Variants in SHISA6 observed in about 807,000 individuals in gnomAD.
SHISA6 encodes the protein protein shisa-6.
Under a neutral mutation model 47.9 loss-of-function variants are expected in SHISA6, and 22 were observed. The ratio of observed to expected loss-of-function variants is 0.46; its 90% CI spans 0.33 to 0.66. SHISA6 has a LOEUF of 0.66. Ranked by LOEUF, SHISA6 falls within the 30% of genes least tolerant of loss-of-function variation. The pLI is 0.02. For synonymous variants in SHISA6, 388 were observed against 337.8 expected (o/e 1.15, Z -1.63); for missense variants, 680 against 764.6 (o/e 0.89, Z 1.30).
chr17:11,532,528 T>C (rs1567631549), intron 3 of SHISA6, among the ~76,000 whole-genome samples: 1 of 152,198 alleles, frequency 6.6e-6, no homozygotes, highest in East Asian at 1.9e-4. Flanking sequence ...TAAATGCCTT[T>C]CCCCCAGATT....
At chr17:11,250,646 C>G (rs1470120061) in intron 1 of SHISA6, among the ~76,000 whole-genome samples, 1 of 152,182 alleles carries the variant, frequency 6.6e-6, no homozygotes, top group Admixed American at 6.5e-5. Context: ...TGTACTGCCC[C>G]CATGCATAGG....
intron 2 of SHISA6, among the ~76,000 whole-genome samples, chr17:11,297,902 G>T (rs1445314858): frequency 6.6e-6 from 1 of 152,204 alleles, no homozygotes; most frequent in Non-Finnish European, 1.5e-5. Context: ...GAGCTGGAGG[G>T]TTTGTTTATC....
At chr17:11,362,988 C>T (rs540084049) in intron 2 of SHISA6, among the ~76,000 whole-genome samples, 4 of 152,294 alleles carry the variant, frequency 2.6e-5, no homozygotes, top group East Asian at 1.9e-4. Flanking sequence ...TCTTCAGGCC[C>T]ACTGCTGAAA....
chr17:11,558,502 A>T lies in SHISA6; in HGVS notation c.*198A>T. The T allele has an allele frequency of 3.2e-6, 2 of 616,138 alleles. No homozygotes were observed. The highest frequency in any genetic ancestry group is 5.5e-5 in the East Asian group (2 of 36,152). The allele number at this position is 616,138 out of a possible 1,614,324, so 38.2% of individuals were successfully genotyped here. A position where few individuals can be genotyped will look rare whatever the true frequency, so the allele number is the denominator to read the frequency against. ...GGCCTGGTCCAATACACTTAGACCC[A>T]GGACCAAGAGCAATCGCTCTTGCTC... On this transcript the variant is annotated 3_prime_UTR_variant, in exon 6 of 6. Transcript: ENST00000441885.
At chr17:11,378,962 T>C (rs1237640984) in intron 2 of SHISA6, among the ~76,000 whole-genome samples, 5 of 151,928 alleles carry the variant, frequency 3.3e-5, no homozygotes, top group South Asian at 2.1e-4. Context: ...GTGGGACAAA[T>C]AGACTAAGGT....
At position 11,558,355 on chromosome 17, in the gene SHISA6, C is replaced by T. The variant is rs117190784; in HGVS notation, c.*51C>T. 0.03 allele frequency: 45,306 copies of T among 1,498,716 alleles called. 782 individuals carry two copies. The highest frequency in any genetic ancestry group is 0.035 in the Non-Finnish European group (39,605 of 1,121,894). The allele number at this position is 1,498,716 out of a possible 1,614,324, so 92.8% of individuals were successfully genotyped here. On this transcript the variant is annotated 3_prime_UTR_variant, in exon 6 of 6. Coordinates refer to ENST00000441885, the MANE Select transcript of SHISA6 (RefSeq NM_207386.4). The stretch of plus-strand genomic sequence containing the variant: ...GGGCGTGGCAGAGCAGAGCGGGGGC[C>T]GGGAGGGGCCAGGAGCAGAGCTTCT...
intron 2 of SHISA6, among the ~76,000 whole-genome samples, chr17:11,355,037 T>C (rs1462903090): frequency 6.6e-6 from 1 of 152,218 alleles, no homozygotes; most frequent in Non-Finnish European, 1.5e-5. Context: ...TCCCAATAAA[T>C]GCAGGTAATT....
chr17:11,243,296 A>C (rs561974177), intron 1 of SHISA6, among the ~76,000 whole-genome samples: 1 of 151,368 alleles, frequency 6.6e-6, no homozygotes, highest in East Asian at 2.0e-4. Flanking sequence ...ATGTTAAAAG[A>C]GCTGATTTTT....
At chr17:11,546,207 C>T (rs1169140712) in intron 3 of SHISA6, among the ~76,000 whole-genome samples, 1 of 152,116 alleles carries the variant, frequency 6.6e-6, no homozygotes, top group Non-Finnish European at 1.5e-5. Flanking sequence ...TACAGAGACA[C>T]CAAAACTCTC....
chr17:11,429,085 G>A lies in SHISA6; in HGVS notation c.895+49576G>A, dbSNP rs1433785066. On this transcript the variant is annotated intron_variant, in intron 3 of 5. Coordinates refer to ENST00000441885, the MANE Select transcript of SHISA6 (RefSeq NM_207386.4). ...ATTACAGGTGTGAGCCACCGTGCCC[G>A]GCCAAGGGATCCACTTTCAAATCCA... Among the ~76,000 whole-genome samples the A allele has an allele frequency of 3.9e-5, 6 of 152,152 alleles. No homozygotes were observed. In the South Asian group the frequency reaches 8.3e-4, roughly 21 times the overall value.
At chr17:11,365,558 G>C (rs576258866) in intron 2 of SHISA6, among the ~76,000 whole-genome samples, 1 of 152,144 alleles carries the variant, frequency 6.6e-6, no homozygotes, top group Non-Finnish European at 1.5e-5. Flanking sequence ...GATTACAGGC[G>C]TGAGCCACTG....
intron 3 of SHISA6, among the ~76,000 whole-genome samples, chr17:11,433,119 A>AT (rs1180372062): frequency 3.9e-5 from 6 of 152,194 alleles, no homozygotes; most frequent in African/African-American, 1.4e-4. Flanking sequence ...TCTGGGGTAC[A>AT]TGCGCAGAAT....
intron 2 of SHISA6, among the ~76,000 whole-genome samples, chr17:11,277,260 TCTCTCTCTCTCTCTCTCTCTCACACA>T (rs1260586413): frequency 9.7e-6 from 1 of 102,704 alleles, no homozygotes; most frequent in African/African-American, 3.9e-5. Context: ...TCTCTCTCTC[TCTCTCTCTCTCTCTCTCTCTCACACA>T]CACACACACA....
intron 2 of SHISA6, among the ~76,000 whole-genome samples, chr17:11,376,197 T>C (rs554220739): frequency 1.1e-3 from 164 of 152,298 alleles, no homozygotes; most frequent in Non-Finnish European, 6.6e-4. Flanking sequence ...AATCCTATGA[T>C]ACCCACTCAT....
chr17:11,351,874 T>G (rs1911903104), intron 2 of SHISA6, among the ~76,000 whole-genome samples: 1 of 152,154 alleles, frequency 6.6e-6, no homozygotes, highest in Non-Finnish European at 1.5e-5. Flanking sequence ...AAGGAACCAA[T>G]GATGACCTAT....
At chr17:11,309,912 A>G (rs893071183) in intron 2 of SHISA6, among the ~76,000 whole-genome samples, 32 of 152,226 alleles carry the variant, frequency 2.1e-4, no homozygotes, top group African/African-American at 7.2e-4. Flanking sequence ...TTATTGAGGC[A>G]TTGTCCTCAG....
intron 2 of SHISA6, among the ~76,000 whole-genome samples, chr17:11,319,074 GTTTT>G (rs57696970): frequency 0.17 from 22,205 of 134,056 alleles, 2,190 homozygotes; most frequent in African/African-American, 0.31. Context: ...TTCTTCTTAT[GTTTT>G]TTTTTTTTTT....
chr17:11,242,211 G>C (rs1341715426), intron 1 of SHISA6, among the ~76,000 whole-genome samples, 151 bp downstream of exon 1: 2 of 152,146 alleles, frequency 1.3e-5, no homozygotes, highest in South Asian at 2.1e-4. Flanking sequence ...AATAAATCAG[G>C]GTCTTCTTGT....
At chr17:11,414,810 G>A (rs189090057) in intron 3 of SHISA6, among the ~76,000 whole-genome samples, 97 of 152,286 alleles carry the variant, frequency 6.4e-4, no homozygotes, top group African/African-American at 2.0e-3. Flanking sequence ...AAAACAGGCC[G>A]GGTGTGGTGG....
Sources: gnomAD v4.1 joint callset for allele counts (sites outside exome capture counted in the v4.1 genomes callset) on GRCh38, gnomAD v4.1.1 for gene constraint, MANE v1.5 for transcripts, NCBI Gene and HGNC (gene_info 2026-07-23, HGNC 2026-07-21) for gene names.